The following SUPT3H variants were observed in gnomAD, a reference collection of about 807,000 sequenced individuals.
SUPT3H encodes the protein transcription initiation protein SPT3 homolog.
In SUPT3H, 44 loss-of-function variants were observed where a neutral mutation model predicts 44.3. That is an observed-to-expected ratio of 0.99 (90% CI 0.78 to 1.28). The LOEUF (loss-of-function observed/expected upper bound fraction) is 1.28, where lower values mean the gene tolerates loss of function less well. Ranked by LOEUF, SUPT3H falls within the 50% of genes most tolerant of loss-of-function variation. The pLI is 0.00. For synonymous variants in SUPT3H, 124 were observed against 125.6 expected (o/e 0.99, Z 0.09); for missense variants, 380 against 387.1 (o/e 0.98, Z 0.15).
intron 2 of SUPT3H, among the ~76,000 whole-genome samples, chr6:45,116,184 T>C (rs1562489985): frequency 6.6e-6 from 1 of 152,158 alleles, no homozygotes; most frequent in East Asian, 1.9e-4. Flanking sequence ...TTAAGGAAGT[T>C]TGCCCTCACA....
chr6:45,217,752 T>C (rs920072239), intron 2 of SUPT3H, among the ~76,000 whole-genome samples: 1 of 151,702 alleles, frequency 6.6e-6, no homozygotes, highest in Non-Finnish European at 1.5e-5. Context: ...TAGCCAGGCG[T>C]GGTGACGTGT....
At chr6:44,937,408 C>T (rs528015) in intron 9 of SUPT3H, among the ~76,000 whole-genome samples, 91,147 of 151,692 alleles carry the variant, frequency 0.6, 28,368 homozygotes, top group African/African-American at 0.78. Flanking sequence ...GCAAGGGAAT[C>T]GCTTGAACCC....
At chr6:44,918,615 G>C (rs1582488129) in intron 10 of SUPT3H, among the ~76,000 whole-genome samples, 3 of 152,184 alleles carry the variant, frequency 2.0e-5, no homozygotes, top group African/African-American at 7.2e-5. Context: ...AGATGATTTA[G>C]AGGACAGTTC....
At chr6:45,015,016 C>T in intron 4 of SUPT3H, 125 bp from the exon 5 acceptor site, 1 of 473,056 alleles carries the variant, frequency 2.1e-6, no homozygotes. Flanking sequence ...TAAAGTAATC[C>T]TTAGCATACT....
chr6:45,270,342 C>T (rs12526807), intron 2 of SUPT3H, among the ~76,000 whole-genome samples: 19,752 of 152,030 alleles, frequency 0.13, 1,525 homozygotes, highest in East Asian at 0.26. Flanking sequence ...TGTGTCCCCA[C>T]CTAAGTCTCA....
chr6:45,149,267 T>C (rs1310718917), intron 2 of SUPT3H, among the ~76,000 whole-genome samples: 1 of 152,128 alleles, frequency 6.6e-6, no homozygotes, highest in Non-Finnish European at 1.5e-5. Context: ...CAATTATTTC[T>C]CATAAATGCC....
chr6:44,986,471 A>G (rs1043367517), intron 6 of SUPT3H, among the ~76,000 whole-genome samples: 3 of 152,172 alleles, frequency 2.0e-5, no homozygotes, highest in Non-Finnish European at 2.9e-5. Flanking sequence ...ACTATTGAGG[A>G]CACTACAATT....
Position 45,371,822 on chromosome 6 carries a change from C to T in SUPT3H, c.-1+5946G>A, listed in dbSNP as rs1007793067. The T allele has an allele frequency of 1.4e-5, 14 of 983,870 alleles. No homozygotes were observed. In the African/African-American group the frequency reaches 2.3e-4, roughly 16 times the overall value. The allele number at this position is 983,870 out of a possible 1,614,324, so 60.9% of individuals were successfully genotyped here. ...CAAATTGGTGGGAGGGAACCAAAGA[C>T]ATCTGAGCAGACTTCAGAACTACAG... On this transcript the variant is annotated intron_variant, in intron 1 of 10. Transcript: ENST00000371459.
At chr6:45,106,348 C>CT (rs1377480759) in intron 2 of SUPT3H, among the ~76,000 whole-genome samples, 1 of 152,080 alleles carries the variant, frequency 6.6e-6, no homozygotes, top group African/African-American at 2.4e-5. Context: ...GGGGGGATGG[C>CT]TTGAGCCCAG....
At chr6:44,956,072 A>T (rs375985809) in intron 7 of SUPT3H, among the ~76,000 whole-genome samples, 4 of 151,350 alleles carry the variant, frequency 2.6e-5, no homozygotes, top group African/African-American at 9.7e-5. Flanking sequence ...CAGTGAGCCG[A>T]GATGGAGCCA....
chr6:45,105,101 T>A (rs1307472745), intron 3 of SUPT3H, among the ~76,000 whole-genome samples: 1 of 151,856 alleles, frequency 6.6e-6, no homozygotes, highest in Non-Finnish European at 1.5e-5. Context: ...GAGAAACAGA[T>A]ACCTATATAT....
chr6:45,110,569 TA>T (rs58655964), intron 2 of SUPT3H, among the ~76,000 whole-genome samples: 89,257 of 149,630 alleles, frequency 0.6, 27,376 homozygotes, highest in African/African-American at 0.76. Context: ...CAGCTTTTTT[TA>T]AAAAAAAAAA....
chr6:45,249,445 G>GAC (rs1771967448), intron 2 of SUPT3H, among the ~76,000 whole-genome samples: 1 of 142,626 alleles, frequency 7.0e-6, no homozygotes, highest in Admixed American at 7.0e-5. Context: ...ACAAACAACA[G>GAC]ACACACAAAA....
intron 2 of SUPT3H, among the ~76,000 whole-genome samples, chr6:45,304,490 T>C (rs1194830335): frequency 1.3e-5 from 2 of 152,192 alleles, no homozygotes; most frequent in East Asian, 1.9e-4. Context: ...CCACTTAGTA[T>C]TCTACTGCTC....
intron 2 of SUPT3H, among the ~76,000 whole-genome samples, chr6:45,256,929 C>T (rs1272279935): frequency 2.6e-5 from 4 of 152,120 alleles, no homozygotes; most frequent in Admixed American, 2.0e-4. Context: ...TGACATATGT[C>T]TTCAGTTTTC....
intron 10 of SUPT3H, among the ~76,000 whole-genome samples, chr6:44,864,862 G>A (rs978566609): frequency 6.6e-6 from 1 of 152,172 alleles, no homozygotes; most frequent in African/African-American, 2.4e-5. Context: ...TTAACATTTG[G>A]CTCTGTGTTA....
intron 2 of SUPT3H, among the ~76,000 whole-genome samples, chr6:45,177,462 C>G (rs1484791462): frequency 6.6e-6 from 1 of 152,054 alleles, no homozygotes; most frequent in Non-Finnish European, 1.5e-5. Context: ...TTGAAAGTGA[C>G]GGGGAGAATG....
chr6:45,328,202 T>C, intron 2 of SUPT3H: 3 of 1,102,384 alleles, frequency 2.7e-6, no homozygotes, highest in Non-Finnish European at 3.6e-6. Flanking sequence ...GCCACAGTGG[T>C]AGGCAGTCCC....
intron 2 of SUPT3H, among the ~76,000 whole-genome samples, chr6:45,127,839 G>C (rs1802675548): frequency 6.6e-6 from 1 of 152,102 alleles, no homozygotes; most frequent in Non-Finnish European, 1.5e-5. Flanking sequence ...AGCATTTAGA[G>C]CTATAAATTT....
Sources: gnomAD v4.1 joint callset for allele counts (sites outside exome capture counted in the v4.1 genomes callset) on GRCh38, gnomAD v4.1.1 for gene constraint, MANE v1.5 for transcripts, NCBI Gene and HGNC (gene_info 2026-07-23, HGNC 2026-07-21) for gene names.